NCKAP5: variants seen among roughly 807,000 people sequenced by gnomAD.
The protein encoded by NCKAP5 is nck-associated protein 5.
NCKAP5 carries 92 observed loss-of-function variants against 167.0 expected under a neutral mutation model. The observed-to-expected ratio is 0.55, with a 90% CI of 0.47 to 0.66. NCKAP5 has a LOEUF of 0.66. Among genes scored for constraint, NCKAP5 ranks in the 30% least tolerant of loss-of-function variants. NCKAP5 has a pLI of 0.00. For synonymous variants in NCKAP5, 891 were observed against 877.4 expected (o/e 1.02, Z -0.27); for missense variants, 2,378 against 2,315.0 (o/e 1.03, Z -0.56).
intron 6 of NCKAP5, among the ~76,000 whole-genome samples, chr2:133,125,922 C>A (rs570789090): frequency 6.6e-6 from 1 of 151,954 alleles, no homozygotes; most frequent in African/African-American, 2.4e-5. Flanking sequence ...GAGGGAAGAA[C>A]AGATTGTGGC....
rs886689590 is a variant in NCKAP5, at chr2:133,245,510, G to C, written c.144-31731C>G. Reference sequence around the variant, plus strand: ...GTGCATGACAAACAAGGCATGGAGTGAATTCTTGGATTCTTTTTCTTGACC... The same window carrying C: ...GTGCATGACAAACAAGGCATGGAGTCAATTCTTGGATTCTTTTTCTTGACC... On this transcript the variant is annotated intron_variant, in intron 4 of 19. Transcript: ENST00000409261. Among the ~76,000 whole-genome samples, 12 of 152,126 alleles carry C rather than the reference G, an allele frequency of 7.9e-5. 1 individual carries two copies. Among genetic ancestry groups the C allele is most frequent in the African/African-American group, 2.7e-4 (11 of 41,418 alleles).
Position 133,014,581 on chromosome 2 carries a change from T to C in NCKAP5, c.342-20342A>G, listed in dbSNP as rs562114472. The stretch of plus-strand genomic sequence containing the variant: ...GTCTATGCTGGGCTTGATTTTTTGG[T>C]TTATCAAACTTTGAACACCAGGAAA... On this transcript the variant is annotated intron_variant, in intron 6 of 19. Transcript: ENST00000409261. Among the ~76,000 whole-genome samples the C allele has an allele frequency of 5.1e-4, 77 of 152,328 alleles. 1 individual carries two copies. Among genetic ancestry groups the C allele is most frequent in the African/African-American group, 1.8e-3 (75 of 41,560 alleles).
intron 15 of NCKAP5, among the ~76,000 whole-genome samples, chr2:132,780,393 G>T (rs757853579): frequency 6.6e-6 from 1 of 151,930 alleles, no homozygotes; most frequent in Non-Finnish European, 1.5e-5. Context: ...CTTGTGATCC[G>T]CCCGCCTCAG....
chr2:133,296,843 A>G (rs1023257876), intron 4 of NCKAP5, among the ~76,000 whole-genome samples: 1 of 152,160 alleles, frequency 6.6e-6, no homozygotes, highest in African/African-American at 2.4e-5. Flanking sequence ...ACTTTTTTAT[A>G]TATAATTTTA....
the NCKAP5 span, among the ~76,000 whole-genome samples, chr2:133,635,086 C>T: frequency 1.3e-5 from 2 of 152,030 alleles, no homozygotes; most frequent in Admixed American, 1.3e-4. Flanking sequence ...GTTGGCTAGG[C>T]TGGTCTCGAA....
chr2:132,857,665 A>G (rs1378081045), intron 11 of NCKAP5, among the ~76,000 whole-genome samples: 1 of 152,200 alleles, frequency 6.6e-6, no homozygotes, highest in African/African-American at 2.4e-5. Context: ...TTTAGTTCCA[A>G]TGTTGATTTT....
intron 3 of NCKAP5, among the ~76,000 whole-genome samples, chr2:133,402,924 C>T (rs1688192732): frequency 6.6e-6 from 1 of 152,220 alleles, no homozygotes; most frequent in Admixed American, 6.5e-5. Context: ...ACTTACTTAC[C>T]TGGCCACATT....
At chr2:133,011,165 G>A (rs2078146189) in intron 6 of NCKAP5, among the ~76,000 whole-genome samples, 1 of 152,152 alleles carries the variant, frequency 6.6e-6, no homozygotes, top group Admixed American at 6.5e-5. Context: ...CTATCTTAAA[G>A]CTGTGCTGCG....
chr2:133,610,053 C>T, the NCKAP5 span, among the ~76,000 whole-genome samples: 1 of 152,138 alleles, frequency 6.6e-6, no homozygotes, highest in Non-Finnish European at 1.5e-5. Flanking sequence ...ATCAGCATCC[C>T]TTCCTGCTTT....
At chr2:132,746,103 G>C (rs990556190) in intron 16 of NCKAP5, among the ~76,000 whole-genome samples, 2 of 151,926 alleles carry the variant, frequency 1.3e-5, no homozygotes, top group East Asian at 3.9e-4. Flanking sequence ...TGTGAAAATG[G>C]AAACATTTTC....
At chr2:133,526,227 GAAAGGAAA>G (rs1684885495) in intron 2 of NCKAP5, among the ~76,000 whole-genome samples, 2 of 106,464 alleles carry the variant, frequency 1.9e-5, no homozygotes, top group Admixed American at 1.0e-4. Context: ...AAGGAAGGAA[GAAAGGAAA>G]GGAGGGAGGG....
At chr2:133,639,624 T>C in the NCKAP5 span, among the ~76,000 whole-genome samples, 1 of 152,076 alleles carries the variant, frequency 6.6e-6, no homozygotes, top group South Asian at 2.1e-4. Flanking sequence ...TTCTGTTTGG[T>C]TCATAAAAGG....
chr2:133,588,655 A>G, the NCKAP5 span, among the ~76,000 whole-genome samples: 1 of 152,188 alleles, frequency 6.6e-6, no homozygotes, highest in Non-Finnish European at 1.5e-5. Context: ...TTAGAAGGAC[A>G]TATTAGGCAA....
Position 132,783,533 on chromosome 2 carries a change from T to C in NCKAP5, c.3278A>G (p.Asn1093Ser). ...CTTGGGGGGTGTGGAGGCGCTATCA[T>C]TCAATTGTCCTTTTCTCCCTGGAGA... The part of the protein sequence containing the change: ...SVSPGRKGQL[N>S]DSASTPPKPS... The change falls in exon 14 of 20, where the codon AAT becomes AGT. Residue 1093 changes from asparagine to serine, a missense_variant. By Grantham distance (46) the Asn-to-Ser change is conservative. This residue lies in a region of NCKAP5 where 1,325 missense variants were observed against 1,274.5 expected (regional missense o/e 1.04). Transcript: ENST00000409261. The C allele has an allele frequency of 6.2e-7, 1 of 1,613,822 alleles. No homozygotes were observed. The highest frequency in any genetic ancestry group is 8.5e-7 in the Non-Finnish European group (1 of 1,179,808).
chr2:133,371,128 T>C (rs561944134), intron 3 of NCKAP5, among the ~76,000 whole-genome samples: 1 of 152,266 alleles, frequency 6.6e-6, no homozygotes, highest in Admixed American at 6.5e-5. Flanking sequence ...AAAACAGCAG[T>C]AGTTGTTGTC....
intron 8 of NCKAP5, chr2:132,930,822 T>C (rs1462350957): frequency 6.6e-6 from 1 of 152,204 alleles, no homozygotes; most frequent in Non-Finnish European, 1.5e-5. Flanking sequence ...ATGCTGCGGA[T>C]ACAAACATGA....
intron 4 of NCKAP5, among the ~76,000 whole-genome samples, chr2:133,219,497 C>T (rs976648297): frequency 6.6e-6 from 1 of 152,222 alleles, no homozygotes; most frequent in Non-Finnish European, 1.5e-5. Context: ...CCCATGGAGT[C>T]AGTGGGCAAA....
intron 3 of NCKAP5, among the ~76,000 whole-genome samples, chr2:133,436,421 C>T (rs1325264757): frequency 6.6e-6 from 1 of 152,194 alleles, no homozygotes. Flanking sequence ...GCACCTATGG[C>T]CACACCATAA....
chr2:133,037,121 C>T (rs1382165692), intron 6 of NCKAP5, among the ~76,000 whole-genome samples: 1 of 151,854 alleles, frequency 6.6e-6, no homozygotes, highest in Non-Finnish European at 1.5e-5. Context: ...ATAATAAAAA[C>T]TATAAAACAC....
Sources: allele counts gnomAD v4.1 joint callset (sites outside exome capture counted in the v4.1 genomes callset), GRCh38; gene constraint gnomAD v4.1.1; regional missense constraint gnomAD v4.1.1; transcripts MANE v1.5; gene names NCBI Gene and HGNC (gene_info 2026-07-23, HGNC 2026-07-21).